The following ZRANB1 variants were observed in gnomAD, a reference collection of about 807,000 sequenced individuals.
ZRANB1 encodes the protein zinc finger RANBP2-type containing 1.
ZRANB1 carries 16 observed loss-of-function variants against 80.5 expected under a neutral mutation model. That is an observed-to-expected ratio of 0.20 (90% confidence interval 0.13 to 0.30). The LOEUF (loss-of-function observed/expected upper bound fraction) is 0.30, where lower values mean the gene tolerates loss of function less well. Among genes scored for constraint, ZRANB1 ranks in the 10% least tolerant of loss-of-function variants. The pLI is 1.00. For synonymous variants in ZRANB1, 291 were observed against 293.1 expected (o/e 0.99, Z 0.07); for missense variants, 576 against 862.6 (o/e 0.67, Z 4.16).
Position 124,966,871 on chromosome 10 carries a change from C to T in ZRANB1, c.1002+90C>T, listed in dbSNP as rs1473522926. The T allele has an allele frequency of 4.7e-6, 6 of 1,264,256 alleles. No homozygotes were observed. The East Asian group carries it at 9.4e-5, about 20-fold the overall frequency. The allele number at this position is 1,264,256 out of a possible 1,614,324, so 78.3% of individuals were successfully genotyped here. On this transcript the variant is annotated intron_variant, in intron 2 of 8. Coordinates refer to ENST00000359653, the MANE Select transcript of ZRANB1 (RefSeq NM_017580.3). ...TTTGATTTTATAATGTTTCTCTAAG[C>T]AGCTTTAAAATGTTTTGAATTCTTT...
chr10:124,981,911 G>T, intron 6 of ZRANB1, 82 bp downstream of exon 6: 2 of 1,483,190 alleles, frequency 1.3e-6, no homozygotes, highest in South Asian at 1.2e-5. Context: ...AAACCATGTT[G>T]GGGGCAATGT....
At position 124,987,855 on chromosome 10, in the gene ZRANB1, TAGTA is replaced by T; in HGVS notation, c.*2864_*2867del. 6.6e-6 allele frequency: 1 copy of T among 152,334 alleles called. No individual in the cohort carries two copies. The highest frequency in any genetic ancestry group is 2.1e-4 in the South Asian group (1 of 4,826). The allele number at this position is 152,334 out of a possible 1,614,324, so 9.4% of individuals were successfully genotyped here. The stretch of plus-strand genomic sequence containing the variant: ...CTTAATTGACACTTGCAAATACTTT[TAGTA>T]TAAAGGTTTAATTCTATTTAAAAAG... On this transcript the variant is annotated 3_prime_UTR_variant, in exon 9 of 9. Transcript: ENST00000359653.
At chr10:124,945,409 A>ATTTTTTTTTTTTTTTTTTTTTTTTTTT in intron 1 of ZRANB1, 1 of 123,548 alleles carries the variant, frequency 8.1e-6, no homozygotes. Flanking sequence ...TCTTAAAATC[A>ATTTTTTTTTTTTTTTTTTTTTTTTTTT]TTTTTTTTTT....
At position 124,949,425 on chromosome 10, in the gene ZRANB1, A is replaced by G. The variant is rs150691138; in HGVS notation, c.814+6118A>G. Reference sequence around the variant, plus strand: ...AAACTATGTATACACATATATATGTATATATATATGTTTACACACATATGT... The same window carrying G: ...AAACTATGTATACACATATATATGTGTATATATATGTTTACACACATATGT... On this transcript the variant is annotated intron_variant, in intron 1 of 8. Transcript: ENST00000359653. Among the ~76,000 whole-genome samples the G allele has an allele frequency of 7.9e-3, 1,113 of 140,650 alleles. 18 individuals are homozygous for G. Among genetic ancestry groups the G allele is most frequent in the African/African-American group, 0.026 (1,025 of 38,970 alleles). The allele number at this position is 140,650 out of a possible 152,430, so 92.3% of individuals were successfully genotyped here.
chr10:124,960,769 G>A (rs574859240), intron 1 of ZRANB1, among the ~76,000 whole-genome samples: 17 of 152,174 alleles, frequency 1.1e-4, no homozygotes, highest in Admixed American at 9.2e-4. Flanking sequence ...TAAAAAAAAG[G>A]TGGGCTAGAC....
rs1951936821 is a variant in ZRANB1 at position 124,981,838 on chromosome 10, G to A, written c.1548+9G>A. On this transcript the variant is annotated intron_variant, in intron 6 of 8. Coordinates refer to ENST00000359653, the MANE Select transcript of ZRANB1 (RefSeq NM_017580.3). ...TCTCTCTTGCTAGTCAGGTGAGGATGCTTCAAGTCTTGTTGCTTCTATGAG... is the reference window on the plus strand; with the variant it reads ...TCTCTCTTGCTAGTCAGGTGAGGATACTTCAAGTCTTGTTGCTTCTATGAG... 6.2e-7 allele frequency: 1 copy of A among 1,612,620 alleles called. No homozygotes were observed. Among genetic ancestry groups the A allele is most frequent in the African/African-American group, 1.3e-5 (1 of 74,808 alleles).
the ZRANB1 span, among the ~76,000 whole-genome samples, chr10:124,921,405 G>T: frequency 1.3e-5 from 2 of 152,180 alleles, no homozygotes; most frequent in Non-Finnish European, 2.9e-5. Context: ...CTGGTCCACA[G>T]AATTTTTGTA....
chr10:124,927,643 T>A, the ZRANB1 span, among the ~76,000 whole-genome samples: 16 of 152,242 alleles, frequency 1.1e-4, no homozygotes, highest in Non-Finnish European at 1.6e-4. Flanking sequence ...ATGGAGATAC[T>A]GTTTAGGGAC....
At chr10:124,971,654 C>T (rs145020797) in intron 2 of ZRANB1, among the ~76,000 whole-genome samples, 15 of 152,344 alleles carry the variant, frequency 9.8e-5, no homozygotes, top group African/African-American at 2.6e-4. Flanking sequence ...TTTCTGTCCT[C>T]TCTCCTCTTC....
chr10:124,938,681 C>G (rs1485443527), upstream of ZRANB1, among the ~76,000 whole-genome samples: 1 of 151,992 alleles, frequency 6.6e-6, no homozygotes, highest in Admixed American at 6.6e-5. Flanking sequence ...CAAGTTCTCT[C>G]AGAGTGAACA....
chr10:124,984,827 T>C lies in ZRANB1; in HGVS notation c.1962T>C (p.Cys654=). ...TGCTCAGGGAGTGGCTGGACTGCTG[T>C]GTGACGGAGGGGGGAGTTCTGGTTG... ...EKLLREWLDC[C]VTEGGVLVAM... is the part of the protein sequence containing the mutation. Residue 654 remains cysteine (C), a synonymous_variant, in exon 9 of 9, where the codon TGT becomes TGC. Transcript: ENST00000359653. 6.2e-7 allele frequency: 1 copy of C among 1,613,992 alleles called. No homozygotes were observed. Among genetic ancestry groups the C allele is most frequent in the Non-Finnish European group, 8.5e-7 (1 of 1,179,984 alleles).
rs1951546871 is a variant in ZRANB1 at position 124,942,662 on chromosome 10, A to G, written c.169A>G (p.Ser57Gly). ...SDVGRDWDPS[S>G]TEGGSSPLIC... ...TGTTGGTAGAGATTGGGATCCTTCC[A>G]GCACCGAAGGAGGAAGTAGTCCTTT... The change falls in exon 1 of 9, where the codon AGC (serine) becomes GGC (glycine). Residue 57 changes from serine to glycine, a missense_variant. Ser to Gly is a moderately conservative substitution (Grantham distance 56). Transcript: ENST00000359653. The G allele has an allele frequency of 2.2e-5, 35 of 1,614,136 alleles. No homozygotes were observed. The highest frequency in any genetic ancestry group is 2.9e-5 in the Non-Finnish European group (34 of 1,180,050).
intron 1 of ZRANB1, among the ~76,000 whole-genome samples, chr10:124,956,898 C>T (rs1213827694): frequency 6.6e-6 from 1 of 152,162 alleles, no homozygotes; most frequent in African/African-American, 2.4e-5. Context: ...CTCTGTATGT[C>T]TTTCTCGTGT....
Position 124,983,654 on chromosome 10 carries a change from A to G in ZRANB1, c.1874A>G (p.Lys625Arg). 6.2e-7 allele frequency: 1 copy of G among 1,608,052 alleles called. No individual in the cohort carries two copies. Among genetic ancestry groups the G allele is most frequent in the Non-Finnish European group, 8.5e-7 (1 of 1,176,598 alleles). ...TFLPLVDSER[K>R]LLHVHFLSAQ... ...TTGCCTCTGGTTGACAGTGAAAGGA[A>G]GCTACTCCATGTGCACTTCCTTTCT... The change falls in exon 8 of 9, where the codon AAG (lysine) becomes AGG (arginine). Residue 625 changes from lysine to arginine, a missense_variant. Lys to Arg is a conservative substitution (Grantham distance 26). Transcript: ENST00000359653. The surrounding 1 kb of genome is among the most constrained non-coding windows in gnomAD (Gnocchi z 6.2).
At chr10:124,966,113 A>G (rs1047214154) in intron 1 of ZRANB1, among the ~76,000 whole-genome samples, 13 of 152,186 alleles carry the variant, frequency 8.5e-5, no homozygotes, top group Non-Finnish European at 1.0e-4. Flanking sequence ...TTTCAAAGCT[A>G]AAGAGCAGTA....
rs749833365 is a variant in ZRANB1 at position 124,974,326 on chromosome 10, C to G, written c.1355C>G (p.Thr452Ser). 1.2e-6 allele frequency: 2 copies of G among 1,614,230 alleles called. No individual in the cohort carries two copies. Among genetic ancestry groups the G allele is most frequent in the East Asian group, 2.2e-5 (1 of 44,892 alleles). ...CTACTTGATTCAGTTCTACAAGCTACCTGGGGCATCTATGACAAGGACTCA... is the reference window on the plus strand; with the variant it reads ...CTACTTGATTCAGTTCTACAAGCTAGCTGGGGCATCTATGACAAGGACTCA... ...DCLLDSVLQATWGIYDKDSVL... is the reference protein window; with the variant it reads ...DCLLDSVLQASWGIYDKDSVL... The change falls in exon 5 of 9, where the codon ACC becomes AGC. Residue 452 changes from threonine (T) to serine (S), a missense_variant. By Grantham distance (58) the Thr-to-Ser change is moderately conservative. Coordinates refer to ENST00000359653, the MANE Select transcript of ZRANB1 (RefSeq NM_017580.3).
intron 1 of ZRANB1, among the ~76,000 whole-genome samples, chr10:124,963,059 A>G (rs1951746441): frequency 6.6e-6 from 1 of 152,160 alleles, no homozygotes; most frequent in South Asian, 2.1e-4. Context: ...TGAGGTCAGG[A>G]GTTCGAGATC....
At chr10:124,920,475 C>G in the ZRANB1 span, among the ~76,000 whole-genome samples, 1 of 152,140 alleles carries the variant, frequency 6.6e-6, no homozygotes. Flanking sequence ...GTGTGGTGTT[C>G]AAGTTTCTCT....
At chr10:124,921,847 T>C in the ZRANB1 span, among the ~76,000 whole-genome samples, 3 of 152,074 alleles carry the variant, frequency 2.0e-5, no homozygotes, top group Non-Finnish European at 4.4e-5. Context: ...GGAAGGGTGG[T>C]ATTTTGGTTA....
Sources: gnomAD v4.1 joint callset for allele counts (sites outside exome capture counted in the v4.1 genomes callset) on GRCh38, gnomAD v4.1.1 for gene constraint, Gnocchi (gnomAD v3.1) non-coding constraint, MANE v1.5 for transcripts, NCBI Gene and HGNC (gene_info 2026-07-23, HGNC 2026-07-21) for gene names.